The following FSD1L variants were observed in gnomAD, a reference collection of about 807,000 sequenced individuals.
FSD1L encodes the protein fibronectin type III and SPRY domain containing 1 like.
Under a neutral mutation model 71.6 loss-of-function variants are expected in FSD1L, and 45 were observed. The ratio of observed to expected loss-of-function variants is 0.63; its 90% CI spans 0.49 to 0.81. The LOEUF (loss-of-function observed/expected upper bound fraction) is 0.81, where lower values mean the gene tolerates loss of function less well. FSD1L is among the 30% of genes least tolerant of loss of function. FSD1L has a pLI of 0.00. For missense variants in FSD1L, 561 were observed against 618.1 expected (o/e 0.91, Z 0.98); for synonymous variants, 197 against 207.2 (o/e 0.95, Z 0.42).
intron 13 of FSD1L, among the ~76,000 whole-genome samples, chr9:105,542,366 G>A (rs977522573): frequency 6.6e-6 from 1 of 152,134 alleles, no homozygotes; most frequent in Non-Finnish European, 1.5e-5. Context: ...GATGTTTCAT[G>A]TCCTTATTTG....
intron 10 of FSD1L, among the ~76,000 whole-genome samples, chr9:105,513,400 T>A (rs1394599179): frequency 6.6e-6 from 1 of 152,084 alleles, no homozygotes; most frequent in Non-Finnish European, 1.5e-5. Context: ...CTAACTTATT[T>A]AAATAAAGTC....
the FSD1L span, among the ~76,000 whole-genome samples, chr9:105,442,619 C>T: frequency 0.017 from 2,597 of 151,468 alleles, 76 homozygotes; most frequent in African/African-American, 0.059. Context: ...GCCTGGGAGG[C>T]GGAGGTTGCA....
In FSD1L at chr9:105,502,037, C is replaced by T. The variant is rs79728760; in HGVS notation, c.587-4362C>T. 1.5e-4 allele frequency among the ~76,000 whole-genome samples: 23 copies of T among 152,052 alleles called. No individual in the cohort carries two copies. The East Asian group carries it at 2.7e-3, about 18-fold the overall frequency. On this transcript the variant is annotated intron_variant, in intron 7 of 13. Transcript: ENST00000481272. ...TATCTTTCTGCATGTTACTGCTCTT[C>T]GATTTTATATATTTTTATATACTAA...
chr9:105,451,213 C>T (rs1222559052), intron 1 of FSD1L, among the ~76,000 whole-genome samples: 2 of 152,260 alleles, frequency 1.3e-5, no homozygotes, highest in Non-Finnish European at 2.9e-5. Context: ...CCCGCCTCGG[C>T]CTCCCAAAGT....
chr9:105,453,068 TTAAGC>T (rs1588906525), intron 1 of FSD1L, among the ~76,000 whole-genome samples: 1 of 138,846 alleles, frequency 7.2e-6, no homozygotes, highest in East Asian at 2.4e-4. Context: ...TTTTTTTTTG[TTAAGC>T]TAGTTAAGTG....
rs1836136995 is a variant in FSD1L at position 105,534,512 on chromosome 9, A to G, written c.1045A>G (p.Lys349Glu). Residue 349 changes from lysine to glutamate, a missense_variant, in exon 11 of 14, where the codon AAA becomes GAA. Physicochemically the swap from Lys to Glu is moderately conservative, Grantham distance 56 (BLOSUM62 1). Around this residue, in one of 3 missense-constraint regions of FSD1L, gnomAD observed 410 missense variants for 413.5 expected, o/e 0.99. Coordinates refer to ENST00000481272, the MANE Select transcript of FSD1L (RefSeq NM_001145313.3). ...ATATAGAAGTGGTACACCATCCCCA[A>G]AACGAACATCTGTAGGCTCCAGGCC... The part of the protein sequence containing the change: ...NKGRSGTPSP[K>E]RTSVGSRPPA... 1 of 1,548,982 alleles carries G rather than the reference A, an allele frequency of 6.5e-7. No individual in the cohort carries two copies. Among genetic ancestry groups the G allele is most frequent in the Non-Finnish European group, 8.7e-7 (1 of 1,144,616 alleles).
chr9:105,533,942 C>T (rs1222857463), intron 10 of FSD1L, among the ~76,000 whole-genome samples: 11 of 152,078 alleles, frequency 7.2e-5, no homozygotes, highest in Admixed American at 3.3e-4. Flanking sequence ...AGGCTCGTCT[C>T]GAACTCCCGA....
chr9:105,468,742 G>A (rs1261949266), intron 4 of FSD1L, among the ~76,000 whole-genome samples: 2 of 152,066 alleles, frequency 1.3e-5, no homozygotes, highest in African/African-American at 4.8e-5. Flanking sequence ...TGATCCACCC[G>A]TCTTGGCCTC....
chr9:105,518,833 G>C (rs1199564084), intron 10 of FSD1L, among the ~76,000 whole-genome samples: 2 of 152,014 alleles, frequency 1.3e-5, no homozygotes, highest in Non-Finnish European at 1.5e-5. Flanking sequence ...GAAGGAGATA[G>C]AGACACTAAA....
intron 13 of FSD1L, among the ~76,000 whole-genome samples, chr9:105,544,708 G>A (rs1206492109): frequency 6.6e-6 from 1 of 151,990 alleles, no homozygotes; most frequent in Non-Finnish European, 1.5e-5. Flanking sequence ...TCTTGTTTTT[G>A]TCAGGTTTGT....
chr9:105,498,226 G>A (rs373635256), intron 7 of FSD1L, among the ~76,000 whole-genome samples: 1 of 87,412 alleles, frequency 1.1e-5, no homozygotes, highest in Non-Finnish European at 2.7e-5. Flanking sequence ...TATTATTATT[G>A]TTTTTAGTTT....
chr9:105,448,339 G>A (rs1454535344), intron 1 of FSD1L, 104 bp downstream of exon 1: 2 of 1,124,798 alleles, frequency 1.8e-6, no homozygotes, highest in Non-Finnish European at 1.2e-6. Flanking sequence ...GGTGGGCCTG[G>A]CCGGGCGTCC....
intron 7 of FSD1L, among the ~76,000 whole-genome samples, chr9:105,489,676 C>G (rs1363309639): frequency 6.6e-6 from 1 of 152,084 alleles, no homozygotes; most frequent in Non-Finnish European, 1.5e-5. Flanking sequence ...CCACAACAGT[C>G]CCCAGAGTGT....
chr9:105,447,454 C>A (rs1354358227), upstream of FSD1L, among the ~76,000 whole-genome samples: 1 of 150,780 alleles, frequency 6.6e-6, no homozygotes, highest in Non-Finnish European at 1.5e-5. Context: ...ACAGATGAAA[C>A]AAGCTCAGGC....
intron 7 of FSD1L, among the ~76,000 whole-genome samples, chr9:105,489,088 C>A (rs1832746835): frequency 6.6e-6 from 1 of 152,052 alleles, no homozygotes. Flanking sequence ...TATCAGCTGA[C>A]TATTATAAAT....
chr9:105,539,220 A>AT (rs1836454164), intron 12 of FSD1L, 43 bp from the exon 13 acceptor site: 4 of 921,076 alleles, frequency 4.3e-6, no homozygotes, highest in Admixed American at 2.9e-5. Context: ...AAATGTTACA[A>AT]TTTTTTGTAT....
At chr9:105,507,035 A>G (rs1414328161) in intron 8 of FSD1L, among the ~76,000 whole-genome samples, 1 of 152,232 alleles carries the variant, frequency 6.6e-6, no homozygotes, top group African/African-American at 2.4e-5. Context: ...ATAGTGAAAC[A>G]GAATATATGT....
At chr9:105,507,616 T>A (rs1834131202) in intron 8 of FSD1L, among the ~76,000 whole-genome samples, 1 of 152,348 alleles carries the variant, frequency 6.6e-6, no homozygotes, top group South Asian at 2.1e-4. Context: ...TCAAAATGTT[T>A]GTTAGTAATC....
chr9:105,495,131 C>T (rs1833272126), intron 7 of FSD1L, among the ~76,000 whole-genome samples: 1 of 152,182 alleles, frequency 6.6e-6, no homozygotes, highest in Non-Finnish European at 1.5e-5. Context: ...GGCAGGCCTC[C>T]TTGAGCTGTG....
Sources: allele counts gnomAD v4.1 joint callset (sites outside exome capture counted in the v4.1 genomes callset), GRCh38; gene constraint gnomAD v4.1.1; regional missense constraint gnomAD v4.1.1; transcripts MANE v1.5; gene names NCBI Gene and HGNC (gene_info 2026-07-23, HGNC 2026-07-21).